FOLH1: variants seen among roughly 807,000 people sequenced by gnomAD.
FOLH1 encodes folate hydrolase 1.
In FOLH1, 54 loss-of-function variants were observed where a neutral mutation model predicts 93.9. The observed-to-expected ratio is 0.57, with a 90% CI of 0.46 to 0.72. The LOEUF is 0.72. FOLH1 is among the 30% of genes least tolerant of loss of function. The probability of loss-of-function intolerance (pLI) is 0.00; values close to 1 mark genes in which losing one functional copy is unlikely to be tolerated. For missense variants in FOLH1, 571 were observed against 892.5 expected (o/e 0.64, Z 4.59); for synonymous variants, 249 against 303.6 (o/e 0.82, Z 1.87).
chr11:49,156,577 A>G (rs1857061743), intron 15 of FOLH1, 140 bp downstream of exon 15: 14 of 968,980 alleles, frequency 1.4e-5, no homozygotes, highest in Admixed American at 2.3e-5. Context: ...TAGTAGTGAT[A>G]CTGTCAACCA....
At chr11:49,169,054 AC>A in intron 12 of FOLH1, 140 bp downstream of exon 12, 2 of 858,124 alleles carry the variant, frequency 2.3e-6, no homozygotes, top group Non-Finnish European at 3.7e-6. Context: ...TAGGGTTCAT[AC>A]ACTGCTTCCT....
At chr11:49,187,189 C>A (rs573815284) in intron 4 of FOLH1, among the ~76,000 whole-genome samples, 17 of 152,240 alleles carry the variant, frequency 1.1e-4, no homozygotes, top group African/African-American at 4.1e-4. Flanking sequence ...TTCTTAACAA[C>A]CACCAAGTAA....
chr11:49,169,821 A>G (rs1859000188), intron 11 of FOLH1, among the ~76,000 whole-genome samples: 1 of 152,242 alleles, frequency 6.6e-6, no homozygotes, highest in Non-Finnish European at 1.5e-5. Context: ...AAAGCGTAGC[A>G]AAGTTTTTTT....
intron 17 of FOLH1, among the ~76,000 whole-genome samples, chr11:49,149,565 GTTTTT>G (rs367886729): frequency 6.6e-6 from 1 of 151,394 alleles, no homozygotes; most frequent in African/African-American, 2.4e-5. Context: ...GAATGTAACA[GTTTTT>G]TTTTAAGTTT....
chr11:49,174,103 A>C (rs564564374), intron 9 of FOLH1, among the ~76,000 whole-genome samples: 1 of 152,210 alleles, frequency 6.6e-6, no homozygotes, highest in South Asian at 2.1e-4. Context: ...GTCTTCTTTT[A>C]TCTCCCCATT....
chr11:49,197,119 A>C lies in FOLH1; in HGVS notation c.411+3136T>G, dbSNP rs564871854. Among the ~76,000 whole-genome samples, 248 of 152,334 alleles carry C rather than the reference A, an allele frequency of 1.6e-3. 3 individuals are homozygous for C. In the Middle Eastern group the frequency reaches 0.024, roughly 15 times the overall value. ...TGAATCACTAGGTAAGATTAAAAGAAAAATTATGCTGAGGTGCAATAAAAA... is the reference window on the plus strand; with the variant it reads ...TGAATCACTAGGTAAGATTAAAAGACAAATTATGCTGAGGTGCAATAAAAA... On this transcript the variant is annotated intron_variant, in intron 3 of 18. Transcript: ENST00000256999.
chr11:49,150,750 A>G (rs1246138835), intron 17 of FOLH1, among the ~76,000 whole-genome samples: 1 of 152,166 alleles, frequency 6.6e-6, no homozygotes, highest in Non-Finnish European at 1.5e-5. Flanking sequence ...TATAATTGAA[A>G]GTTTATCAGC....
intron 12 of FOLH1, 88 bp from the exon 13 acceptor site, chr11:49,164,860 A>G: frequency 9.5e-7 from 1 of 1,048,780 alleles, no homozygotes. Flanking sequence ...TCCTACCAGA[A>G]TGATTGTTTT....
intron 18 of FOLH1, 110 bp from the exon 19 acceptor site, chr11:49,147,055 G>T (rs1223549668): frequency 3.1e-6 from 3 of 968,870 alleles, no homozygotes; most frequent in Middle Eastern, 2.3e-4. Flanking sequence ...ATTTGAACAA[G>T]CCACTTGTCA....
chr11:49,206,037 G>A lies in FOLH1; in HGVS notation c.224+30C>T, dbSNP rs370266286. ...GAATGATAAATTTTTCTAACAACTTGTCCATATAAACTTTCGAGGATGTAC... is the reference window on the plus strand; with the variant it reads ...GAATGATAAATTTTTCTAACAACTTATCCATATAAACTTTCGAGGATGTAC... On this transcript the variant is annotated intron_variant, in intron 2 of 18. Coordinates refer to ENST00000256999, the MANE Select transcript of FOLH1 (RefSeq NM_004476.3). 1.1e-5 allele frequency: 17 copies of A among 1,587,064 alleles called. No homozygotes were observed. In the Middle Eastern group the frequency reaches 8.4e-4, roughly 79 times the overall value.
chr11:49,149,174 C>T (rs1317751368), intron 17 of FOLH1, among the ~76,000 whole-genome samples: 1 of 151,928 alleles, frequency 6.6e-6, no homozygotes, highest in Non-Finnish European at 1.5e-5. Context: ...GACGAGTCCT[C>T]TGTGGAATTA....
At position 49,148,692 on chromosome 11, in the gene FOLH1, A is replaced by T; in HGVS notation, c.2010T>A (p.Phe670Leu). The stretch of plus-strand genomic sequence containing the variant: ...ATGGATCAATAAATGCTCTTTCCAG[A>T]AACATGAGTTGATCATTCATCATTC... The part of the protein sequence containing the change: ...VLRMMNDQLM[F>L]LERAFIDPLG... The change falls in exon 18 of 19, where the codon TTT becomes TTA. Residue 670 changes from phenylalanine (F) to leucine (L), a missense_variant. This residue lies in a region of FOLH1 where 500 missense variants were observed against 822.9 expected (regional missense o/e 0.61). Transcript: ENST00000256999. The T allele has an allele frequency of 6.2e-7, 1 of 1,606,544 alleles. No homozygotes were observed. The highest frequency in any genetic ancestry group is 8.5e-7 in the Non-Finnish European group (1 of 1,177,118).
chr11:49,147,743 G>T (rs1308225672), intron 18 of FOLH1, among the ~76,000 whole-genome samples: 1 of 152,056 alleles, frequency 6.6e-6, no homozygotes, highest in African/African-American at 2.4e-5. Context: ...GCGCAACATA[G>T]GGACACCCTG....
chr11:49,179,486 CAACT>C (rs905609443), intron 7 of FOLH1, among the ~76,000 whole-genome samples: 3 of 152,090 alleles, frequency 2.0e-5, no homozygotes, highest in African/African-American at 7.2e-5. Context: ...GGAAATTAAA[CAACT>C]AACTCCTAAA....
intron 17 of FOLH1, among the ~76,000 whole-genome samples, chr11:49,151,702 T>C (rs1400367586): frequency 6.6e-6 from 1 of 152,138 alleles, no homozygotes; most frequent in Non-Finnish European, 1.5e-5. Flanking sequence ...AAAACAAATA[T>C]AGAAATACTA....
Position 49,186,783 on chromosome 11 carries a change from G to C in FOLH1, c.514-14C>G. On this transcript the variant is annotated splice_polypyrimidine_tract_variant and intron_variant, in intron 4 of 18. Coordinates refer to ENST00000256999, the MANE Select transcript of FOLH1 (RefSeq NM_004476.3). ...CACTAGATCGCCCTGTTGAGATCGG[G>C]AATGACTTAATATGAGTCAGATATA... 1 of 1,584,670 alleles carries C rather than the reference G, an allele frequency of 6.3e-7. No homozygotes were observed. The highest frequency in any genetic ancestry group is 8.6e-7 in the Non-Finnish European group (1 of 1,168,792).
intron 18 of FOLH1, among the ~76,000 whole-genome samples, chr11:49,148,299 G>A (rs1353297648): frequency 1.3e-5 from 2 of 150,944 alleles, no homozygotes; most frequent in Non-Finnish European, 3.0e-5. Context: ...TAGAAAAGGA[G>A]CTAAAATTAT....
intron 17 of FOLH1, among the ~76,000 whole-genome samples, chr11:49,153,321 A>G (rs1480569404): frequency 6.6e-6 from 1 of 151,532 alleles, no homozygotes; most frequent in Non-Finnish European, 1.5e-5. Context: ...ATTTTGCCAG[A>G]TGGAAGTGGA....
chr11:49,171,515 A>G (rs1388690744), intron 10 of FOLH1, among the ~76,000 whole-genome samples: 1 of 152,192 alleles, frequency 6.6e-6, no homozygotes, highest in Admixed American at 6.5e-5. Flanking sequence ...TTGCAAGATC[A>G]TAAAACATTC....
Sources: allele counts gnomAD v4.1 joint callset (sites outside exome capture counted in the v4.1 genomes callset), GRCh38; gene constraint gnomAD v4.1.1; regional missense constraint gnomAD v4.1.1; transcripts MANE v1.5; gene names NCBI Gene and HGNC (gene_info 2026-07-23, HGNC 2026-07-21).